The following BTNL3 variants were observed in gnomAD, a reference collection of about 807,000 sequenced individuals.
BTNL3 encodes the protein butyrophilin like 3.
A neutral mutation model predicts 40.1 loss-of-function variants in BTNL3; 20 were observed. The ratio of observed to expected loss-of-function variants is 0.50; its 90% CI spans 0.35 to 0.72. The LOEUF (loss-of-function observed/expected upper bound fraction) is 0.72, where lower values mean the gene tolerates loss of function less well. BTNL3 is among the 30% of genes least tolerant of loss of function. BTNL3 has a pLI of 0.01. For missense variants in BTNL3, 449 were observed against 582.2 expected, an observed-to-expected ratio of 0.77 and a Z score of 2.35; for synonymous variants, 179 against 222.1, an observed-to-expected ratio of 0.81 and a Z score of 1.73.
At position 181,001,844 on chromosome 5, in the gene BTNL3, CAACAAAACAAAACAA is replaced by C. The variant is rs111642156; in HGVS notation, c.674-811_674-797del. ...TGGGCAACAGAGCGAGACTCTGTCT[CAACAAAACAAAACAA>C]AACAAAACAAAACAAAGAAATCTAA... is the stretch of plus-strand genomic sequence containing the variant. On this transcript the variant is annotated intron_variant, in intron 3 of 7. Transcript: ENST00000342868. 5.0e-4 allele frequency among the ~76,000 whole-genome samples: 60 copies of C among 120,558 alleles called. 10 individuals are homozygous for C. The highest frequency in any genetic ancestry group is 4.0e-3 in the Middle Eastern group (1 of 248). The allele number at this position is 120,558 out of a possible 152,430, so 79.1% of individuals were successfully genotyped here.
At chr5:181,005,197 G>C (rs767352554) in intron 7 of BTNL3, 137 bp from the exon 8 acceptor site, 66 of 1,454,524 alleles carry the variant, frequency 4.5e-5, no homozygotes, top group Non-Finnish European at 6.0e-5. Flanking sequence ...CCCTGGAGAA[G>C]GTACATGGCT....
intron 3 of BTNL3, among the ~76,000 whole-genome samples, chr5:180,998,983 CGG>C (rs1561959816): frequency 7.4e-6 from 1 of 135,648 alleles, no homozygotes; most frequent in East Asian, 2.2e-4. Flanking sequence ...AAAAATTAGC[CGG>C]GTGTGGTGGC....
intron 1 of BTNL3, 77 bp from the exon 2 acceptor site, chr5:180,992,736 C>T (rs1480475989): frequency 1.4e-6 from 2 of 1,410,968 alleles, no homozygotes; most frequent in African/African-American, 2.8e-5. Flanking sequence ...CCATACCCCA[C>T]ACTTCTCCAC....
chr5:180,992,662 G>C (rs1443614006), intron 1 of BTNL3, 151 bp from the exon 2 acceptor site: 1 of 1,007,832 alleles, frequency 9.9e-7, no homozygotes, highest in Non-Finnish European at 1.4e-6. Context: ...AAGCATTCTC[G>C]CAAGTGTAAG....
chr5:181,003,796 G>A (rs1365631056), intron 4 of BTNL3, 60 bp from the exon 5 acceptor site: 104 of 1,613,676 alleles, frequency 6.4e-5, no homozygotes, highest in Admixed American at 2.5e-4. Flanking sequence ...AGGAGCCAGC[G>A]TCGTGTTTGT....
chr5:181,003,917 G>A (rs771513604), intron 5 of BTNL3, 41 bp downstream of exon 5: 2 of 1,613,808 alleles, frequency 1.2e-6, no homozygotes, highest in South Asian at 1.1e-5. Context: ...TGGTTCTCCC[G>A]GGTCCCTCCC....
In BTNL3 at chr5:180,995,286, C is replaced by T. The variant is rs1213175810; in HGVS notation, c.398-1927C>T. On this transcript the variant is annotated intron_variant, in intron 2 of 7. Coordinates refer to ENST00000342868, the MANE Select transcript of BTNL3 (RefSeq NM_197975.3). ...AGCTATTCATGTTGGTCTTGGCAATCACATGATTGTCTATTTTCATTCAAG... is the reference window on the plus strand; with the variant it reads ...AGCTATTCATGTTGGTCTTGGCAATTACATGATTGTCTATTTTCATTCAAG... 1.5e-5 allele frequency among the ~76,000 whole-genome samples: 2 copies of T among 136,618 alleles called. 1 individual carries two copies. The highest frequency in any genetic ancestry group is 5.0e-5 in the African/African-American group (2 of 39,678). 89.6% of individuals were successfully genotyped at this position (136,618 alleles called of 152,430 possible). A position where few individuals can be genotyped will look rare whatever the true frequency, so the allele number is the denominator to read the frequency against.
At chr5:181,001,786 A>G (rs1308456132) in intron 3 of BTNL3, among the ~76,000 whole-genome samples, 2 of 135,356 alleles carry the variant, frequency 1.5e-5, no homozygotes, top group Admixed American at 7.9e-5. Context: ...CAGAGGTTGC[A>G]GTGAGCCGAG....
In BTNL3 at chr5:180,992,815, C is replaced by T. The variant is rs1759986013; in HGVS notation, c.52C>T (p.Gln18Ter). Residue 18 changes from glutamine (Q) to a stop codon, truncating the protein, a stop_gained and splice_region_variant, in exon 2 of 8, where the codon CAG (glutamine) becomes TAG (stop). Transcript: ENST00000342868. LOFTEE classifies it high-confidence loss of function. ...GTCTGTTATGTTTCCTCCTATAGGA[C>T]AGTGGCAAGTCACTGGACCGGGCAA... is the stretch of plus-strand genomic sequence containing the variant. ...VLSFYELVSG[Q>*]WQVTGPGKFV... The T allele has an allele frequency of 6.8e-7, 1 of 1,463,082 alleles. No individual in the cohort carries two copies. The highest frequency in any genetic ancestry group is 9.4e-7 in the Non-Finnish European group (1 of 1,058,936). The allele number at this position is 1,463,082 out of a possible 1,614,324, so 90.6% of individuals were successfully genotyped here.
intron 3 of BTNL3, among the ~76,000 whole-genome samples, chr5:181,000,755 G>C (rs187859731): frequency 0.026 from 3,476 of 133,986 alleles, 455 homozygotes; most frequent in African/African-American, 0.084. Flanking sequence ...GCAGTGAGCC[G>C]AGATTGCGCC....
At chr5:181,004,880 G>A in intron 7 of BTNL3, 118 bp downstream of exon 7, 1 of 1,582,454 alleles carries the variant, frequency 6.3e-7, no homozygotes, top group Non-Finnish European at 8.6e-7. Flanking sequence ...ACCCCAGGGT[G>A]CAGCTGCCTC....
chr5:180,991,526 G>A (rs1759971699), intron 1 of BTNL3, among the ~76,000 whole-genome samples: 1 of 136,704 alleles, frequency 7.3e-6, no homozygotes, highest in South Asian at 2.2e-4. Context: ...AGTTGTAAGT[G>A]TGATTTGCAC....
At chr5:180,999,672 T>C (rs1465377971) in intron 3 of BTNL3, among the ~76,000 whole-genome samples, 1 of 135,912 alleles carries the variant, frequency 7.4e-6, no homozygotes, top group Non-Finnish European at 1.7e-5. Context: ...TGGTGGTGTG[T>C]GTCTGTAATC....
rs1759941365 is a variant in BTNL3, at chr5:180,989,333, G to T, written c.49+256G>T. Among the ~76,000 whole-genome samples, 2 of 136,638 alleles carry T rather than the reference G, an allele frequency of 1.5e-5. 1 individual carries two copies. The allele number at this position is 136,638 out of a possible 152,430, so 89.6% of individuals were successfully genotyped here. On this transcript the variant is annotated intron_variant, in intron 1 of 7. Coordinates refer to ENST00000342868, the MANE Select transcript of BTNL3 (RefSeq NM_197975.3). The stretch of plus-strand genomic sequence containing the variant: ...ACAGTAGCTCAGAATAATGGGAGCA[G>T]GCCCTGGGAGCAGGGAGGGAACACA...
intron 1 of BTNL3, among the ~76,000 whole-genome samples, chr5:180,990,132 C>T (rs1759950206): frequency 7.3e-6 from 1 of 136,766 alleles, no homozygotes; most frequent in South Asian, 2.2e-4. Context: ...TGCACTCCAA[C>T]CTGGGTGACA....
rs577629007 is a variant in BTNL3 at position 181,000,254 on chromosome 5, C to T, written c.674-2418C>T. 2.2e-5 allele frequency among the ~76,000 whole-genome samples: 3 copies of T among 136,346 alleles called. 1 individual carries two copies. The East Asian group carries it at 6.5e-4, about 29-fold the overall frequency. The allele number at this position is 136,346 out of a possible 152,430, so 89.4% of individuals were successfully genotyped here. ...ATATTAATGTAATTATAACATAATTCGTTAAAAGAGATAAACTATAATTTT... is the reference window on the plus strand; with the variant it reads ...ATATTAATGTAATTATAACATAATTTGTTAAAAGAGATAAACTATAATTTT... On this transcript the variant is annotated intron_variant, in intron 3 of 7. Coordinates refer to ENST00000342868, the MANE Select transcript of BTNL3 (RefSeq NM_197975.3).
intron 3 of BTNL3, among the ~76,000 whole-genome samples, chr5:181,002,376 G>GTATATATATATATA (rs55873315): frequency 2.5e-5 from 2 of 81,596 alleles, no homozygotes; most frequent in African/African-American, 7.6e-5. Flanking sequence ...ACGTGTGTGT[G>GTATATATATATATA]TATATATATA....
chr5:180,990,715 C>T lies in BTNL3; in HGVS notation c.49+1638C>T, dbSNP rs1031564476. ...CAGCTGACAGGCTGGGTCCCAAAAG[C>T]TGATCTAGAGCAAGGGCCTTTCTGC... On this transcript the variant is annotated intron_variant, in intron 1 of 7. Transcript: ENST00000342868. Among the ~76,000 whole-genome samples, 8 of 137,936 alleles carry T rather than the reference C, an allele frequency of 5.8e-5. 2 individuals are homozygous for T. Among genetic ancestry groups the T allele is most frequent in the Non-Finnish European group, 1.2e-4 (7 of 60,052 alleles). The allele number at this position is 137,936 out of a possible 152,430, so 90.5% of individuals were successfully genotyped here. A position where few individuals can be genotyped will look rare whatever the true frequency, so the allele number is the denominator to read the frequency against.
chr5:180,996,915 A>G lies in BTNL3; in HGVS notation c.398-298A>G, dbSNP rs1760040878. 3.6e-5 allele frequency among the ~76,000 whole-genome samples: 5 copies of G among 137,068 alleles called. 1 individual carries two copies. In the South Asian group the frequency reaches 1.1e-3, roughly 30 times the overall value. 89.9% of individuals were successfully genotyped at this position (137,068 alleles called of 152,430 possible). A position where few individuals can be genotyped will look rare whatever the true frequency, so the allele number is the denominator to read the frequency against. On this transcript the variant is annotated intron_variant, in intron 2 of 7. Transcript: ENST00000342868. The stretch of plus-strand genomic sequence containing the variant: ...GAAGGGGCTGTGTCTTATTCACTGC[A>G]TCCTATTTCATACTTAGGAATATCC...
Sources: gnomAD v4.1 joint callset for allele counts (sites outside exome capture counted in the v4.1 genomes callset) on GRCh38, gnomAD v4.1.1 for gene constraint, MANE v1.5 for transcripts, NCBI Gene and HGNC (gene_info 2026-07-23, HGNC 2026-07-21) for gene names.